The following IPO9 variants were observed in gnomAD, a reference collection of about 807,000 sequenced individuals.
The protein encoded by IPO9 is importin-9.
A neutral mutation model predicts 128.6 loss-of-function variants in IPO9; 28 were observed. The observed-to-expected ratio is 0.22, with a 90% CI of 0.16 to 0.30. The LOEUF is 0.30. Among genes scored for constraint, IPO9 ranks in the 10% least tolerant of loss-of-function variants. The pLI, the probability that IPO9 is intolerant of heterozygous loss-of-function variation, is 1.00. For synonymous variants in IPO9, 455 were observed against 475.8 expected, an observed-to-expected ratio of 0.96 and a Z score of 0.57; for missense variants, 935 against 1,293.9, an observed-to-expected ratio of 0.72 and a Z score of 4.26.
chr1:201,871,775 T>C (rs1680657428), intron 19 of IPO9, among the ~76,000 whole-genome samples: 1 of 152,198 alleles, frequency 6.6e-6, no homozygotes, highest in African/African-American at 2.4e-5. Flanking sequence ...TTTCCCTGTC[T>C]TTCTTTATTG....
Position 201,841,322 on chromosome 1 carries a change from G to A in IPO9, c.164-5957G>A, listed in dbSNP as rs558690021. On this transcript the variant is annotated intron_variant, in intron 1 of 23. Coordinates refer to ENST00000361565, the MANE Select transcript of IPO9 (RefSeq NM_018085.5). ...CACAAAGGTATGGATTAATACTTCT[G>A]TAATTGCTTTATATTTTAAGATTGA... Among the ~76,000 whole-genome samples the A allele has an allele frequency of 1.7e-4, 26 of 152,276 alleles. No individual in the cohort carries two copies. The East Asian group carries it at 4.6e-3, about 27-fold the overall frequency.
chr1:201,869,494 G>A (rs146306513), intron 16 of IPO9, 96 bp from the exon 17 acceptor site: 6 of 1,412,118 alleles, frequency 4.2e-6, no homozygotes, highest in South Asian at 1.4e-5. Context: ...GCTTTCTCTG[G>A]GTTGCTATGT....
chr1:201,872,976 G>A lies in IPO9; in HGVS notation c.2710+15G>A, dbSNP rs201455617. ...GTCAGCCAAAAGTGGGTGCTGCTGC[G>A]ATTCTTCCAATCCTCTCCCTATACG... On this transcript the variant is annotated intron_variant, in intron 20 of 23. Coordinates refer to ENST00000361565, the MANE Select transcript of IPO9 (RefSeq NM_018085.5). 104 of 1,606,562 alleles carry A rather than the reference G, an allele frequency of 6.5e-5. No homozygotes were observed. The highest frequency in any genetic ancestry group is 2.2e-5 in the East Asian group (1 of 44,750).
intron 1 of IPO9, among the ~76,000 whole-genome samples, chr1:201,840,483 C>T (rs1381933648): frequency 6.6e-6 from 1 of 152,214 alleles, no homozygotes; most frequent in African/African-American, 2.4e-5. Flanking sequence ...AATTTGATCA[C>T]ACCCAGTAGC....
chr1:201,878,659 C>G lies in IPO9; in HGVS notation c.*2605C>G, dbSNP rs1239763638. ...AGAAGGTCTTGGACCCCTCGATGTG[C>G]AGGTACTTAATTGTGTTTCCAGTGC... On this transcript the variant is annotated 3_prime_UTR_variant, in exon 24 of 24. Coordinates refer to ENST00000361565, the MANE Select transcript of IPO9 (RefSeq NM_018085.5). 1 of 152,358 alleles carries G rather than the reference C, an allele frequency of 6.6e-6. No homozygotes were observed. Among genetic ancestry groups the G allele is most frequent in the African/African-American group, 2.4e-5 (1 of 41,450 alleles). The allele number at this position is 152,358 out of a possible 1,614,324, so 9.4% of individuals were successfully genotyped here.
In IPO9 at chr1:201,863,753, A is replaced by G. The variant is rs548953518; in HGVS notation, c.1628+146A>G. The G allele has an allele frequency of 2.6e-4, 174 of 673,554 alleles. No individual in the cohort carries two copies. In the African/African-American group the frequency reaches 2.9e-3, roughly 11 times the overall value. The allele number at this position is 673,554 out of a possible 1,614,324, so 41.7% of individuals were successfully genotyped here. A position where few individuals can be genotyped will look rare whatever the true frequency, so the allele number is the denominator to read the frequency against. ...GAATGTTGGAAGGACAGGGAAAGAA[A>G]CCATGCTAGAGACATGGCTTTTGTG... On this transcript the variant is annotated intron_variant, in intron 14 of 23. Transcript: ENST00000361565.
At chr1:201,830,702 A>G (rs974328381) in intron 1 of IPO9, among the ~76,000 whole-genome samples, 1 of 152,242 alleles carries the variant, frequency 6.6e-6, no homozygotes, top group African/African-American at 2.4e-5. Context: ...TGAGGAAGGA[A>G]GAGTGACAAA....
rs1476081499 is a variant in IPO9 at position 201,874,912 on chromosome 1, G to A, written c.2914G>A (p.Asp972Asn). 3.1e-6 allele frequency: 5 copies of A among 1,612,572 alleles called. No individual in the cohort carries two copies. In the South Asian group the frequency reaches 4.4e-5, roughly 14 times the overall value. The change falls in exon 22 of 24, where the codon GAC becomes AAC. Residue 972 changes from aspartate (D) to asparagine (N), a missense_variant. Asp to Asn is a conservative substitution (Grantham distance 23). Around this residue, in one of 3 missense-constraint regions of IPO9, gnomAD observed 188 missense variants for 246.7 expected, o/e 0.76. Coordinates refer to ENST00000361565, the MANE Select transcript of IPO9 (RefSeq NM_018085.5). ...EDGLAGQLLS[D>N]ILATSKYEED... is the part of the protein sequence containing the mutation. The stretch of plus-strand genomic sequence containing the variant: ...TGGTTTAGCTGGCCAACTTTTATCT[G>A]ACATTCTTGCTACAAGTAAATATGG...
intron 13 of IPO9, among the ~76,000 whole-genome samples, chr1:201,861,823 A>G (rs560973078): frequency 3.2e-4 from 49 of 152,380 alleles, no homozygotes; most frequent in Non-Finnish European, 6.0e-4. Flanking sequence ...AACGAAATAT[A>G]TAACATGTAA....
intron 13 of IPO9, 118 bp downstream of exon 13, chr1:201,859,112 A>G (rs1680388392): frequency 1.1e-6 from 1 of 875,194 alleles, no homozygotes; most frequent in Non-Finnish European, 1.7e-6. Context: ...GGTGCAGCAC[A>G]CCAACATGGC....
chr1:201,863,939 G>A (rs1680503266), intron 14 of IPO9, among the ~76,000 whole-genome samples: 1 of 152,200 alleles, frequency 6.6e-6, no homozygotes. Context: ...AATGATAGAA[G>A]CAGGATTAGA....
rs1422219054 is a variant in IPO9, at chr1:201,876,064, C to T, written c.*10C>T. The stretch of plus-strand genomic sequence containing the variant: ...GACCATCGGCATCTAAAAAGGGGAG[C>T]CTTTCTACATTTGCTCCTTCTGGGC... On this transcript the variant is annotated 3_prime_UTR_variant, in exon 24 of 24. Coordinates refer to ENST00000361565, the MANE Select transcript of IPO9 (RefSeq NM_018085.5). 1.9e-6 allele frequency: 3 copies of T among 1,563,042 alleles called. No homozygotes were observed. Among genetic ancestry groups the T allele is most frequent in the Non-Finnish European group, 2.6e-6 (3 of 1,133,602 alleles).
chr1:201,866,715 T>TCTCTC lies in IPO9; in HGVS notation c.1629-18_1629-17insCTCTC. 1.3e-6 allele frequency: 2 copies of TCTCTC among 1,577,360 alleles called. No homozygotes were observed. The highest frequency in any genetic ancestry group is 2.2e-5 in the South Asian group (2 of 89,974). ...TTGAATTTTTTTTAATAATTCTTGC[T>TCTCTC]TATCTATCTCTCTCTAGTTATTGTG... On this transcript the variant is annotated splice_polypyrimidine_tract_variant and intron_variant, in intron 14 of 23. Transcript: ENST00000361565.
chr1:201,856,733 C>A (rs916952351), intron 10 of IPO9, among the ~76,000 whole-genome samples: 1 of 152,178 alleles, frequency 6.6e-6, no homozygotes, highest in Non-Finnish European at 1.5e-5. Flanking sequence ...TTTGCTCAGG[C>A]TGGAGTGCAG....
In IPO9 at chr1:201,871,390, T is replaced by C. The variant is rs1326294474; in HGVS notation, c.2576+63T>C. 4.8e-5 allele frequency: 52 copies of C among 1,077,494 alleles called. No homozygotes were observed. The Admixed American group carries it at 1.3e-3, about 26-fold the overall frequency. The allele number at this position is 1,077,494 out of a possible 1,614,324, so 66.7% of individuals were successfully genotyped here. A position where few individuals can be genotyped will look rare whatever the true frequency, so the allele number is the denominator to read the frequency against. On this transcript the variant is annotated intron_variant, in intron 19 of 23. Transcript: ENST00000361565. ...CACTCATATTTCTTTTTTTTTTTTT[T>C]TTTTTTTTTTTTTTTTGAGACAGTC...
chr1:201,851,706 G>A (rs541278961), intron 4 of IPO9, among the ~76,000 whole-genome samples: 9 of 152,248 alleles, frequency 5.9e-5, no homozygotes, highest in African/African-American at 1.2e-4. Context: ...CTTGCCAAGC[G>A]AAAGTACTGA....
chr1:201,850,818 C>G (rs1680200242), intron 4 of IPO9: 1 of 152,126 alleles, frequency 6.6e-6, no homozygotes, highest in African/African-American at 2.4e-5. Flanking sequence ...CCATTCAAAG[C>G]TCAGACTTTA....
Position 201,855,925 on chromosome 1 carries a change from T to C in IPO9, c.1113T>C (p.Thr371=). 1 of 1,583,568 alleles carries C rather than the reference T, an allele frequency of 6.3e-7. No individual in the cohort carries two copies. The highest frequency in any genetic ancestry group is 8.5e-7 in the Non-Finnish European group (1 of 1,171,336). Residue 371 remains threonine, a synonymous_variant, in exon 10 of 24, where the codon ACT becomes ACC. Transcript: ENST00000361565. ...IYYIILYMQI[T]EEQIKVWTAN... ...ATATTATCCTGTACATGCAAATCAC[T>C]GAGGAGCAGGTAAATAATATTTGAG...
At chr1:201,832,877 A>G (rs1679863507) in intron 1 of IPO9, among the ~76,000 whole-genome samples, 2 of 152,216 alleles carry the variant, frequency 1.3e-5, no homozygotes, top group African/African-American at 4.8e-5. Context: ...AGAATATCTA[A>G]TTTATGGGGA....
Sources: gnomAD v4.1 joint callset for allele counts (sites outside exome capture counted in the v4.1 genomes callset) on GRCh38, gnomAD v4.1.1 for gene constraint, gnomAD v4.1.1 regional missense constraint, MANE v1.5 for transcripts, NCBI Gene and HGNC (gene_info 2026-07-23, HGNC 2026-07-21) for gene names.